Variants in SLX4IP observed in about 807,000 individuals in gnomAD.
The protein encoded by SLX4IP is protein SLX4IP.
Under a neutral mutation model 32.9 loss-of-function variants are expected in SLX4IP, and 34 were observed. That is an observed-to-expected ratio of 1.03 (90% CI 0.79 to 1.38). SLX4IP has a LOEUF of 1.38. Among genes scored for constraint, SLX4IP ranks in the 40% most tolerant of loss-of-function variants. SLX4IP has a pLI of 0.00. For synonymous variants in SLX4IP, 172 were observed against 171.7 expected (o/e 1.00, Z -0.01); for missense variants, 444 against 479.0 (o/e 0.93, Z 0.68).
intron 6 of SLX4IP, among the ~76,000 whole-genome samples, chr20:10,606,803 G>A (rs1485494814): frequency 6.6e-6 from 1 of 151,954 alleles, no homozygotes; most frequent in African/African-American, 2.4e-5. Context: ...ATTTTAACTA[G>A]GACCCTATTT....
chr20:10,452,092 G>C (rs756723038), intron 1 of SLX4IP, among the ~76,000 whole-genome samples: 1 of 152,142 alleles, frequency 6.6e-6, no homozygotes, highest in Non-Finnish European at 1.5e-5. Flanking sequence ...TATTTCTTTT[G>C]GAAGACCTGT....
At chr20:10,506,446 T>C (rs1260002204) in intron 2 of SLX4IP, among the ~76,000 whole-genome samples, 1 of 152,220 alleles carries the variant, frequency 6.6e-6, no homozygotes, top group Non-Finnish European at 1.5e-5. Context: ...CTCAAATGTG[T>C]CAAATCCTTT....
At chr20:10,590,192 A>T (rs556172234) in intron 4 of SLX4IP, among the ~76,000 whole-genome samples, 9 of 152,128 alleles carry the variant, frequency 5.9e-5, no homozygotes, top group Non-Finnish European at 8.8e-5. Context: ...TCTTTTTAAG[A>T]CCTTTTCCTA....
intron 6 of SLX4IP, among the ~76,000 whole-genome samples, chr20:10,612,008 C>T (rs544641720): frequency 6.6e-6 from 1 of 152,322 alleles, no homozygotes; most frequent in South Asian, 2.1e-4. Flanking sequence ...TGCACGGCCT[C>T]AGTCTTTGTG....
intron 4 of SLX4IP, among the ~76,000 whole-genome samples, chr20:10,562,512 C>A (rs1170528671): frequency 1.3e-5 from 2 of 152,172 alleles, no homozygotes; most frequent in East Asian, 3.9e-4. Flanking sequence ...TGTGTGCCCG[C>A]TAGGGTCTCG....
At chr20:10,549,426 T>C (rs540359732) in intron 2 of SLX4IP, among the ~76,000 whole-genome samples, 1 of 152,288 alleles carries the variant, frequency 6.6e-6, no homozygotes, top group Admixed American at 6.5e-5. Context: ...TGGGACCCTG[T>C]TGAGAATCCC....
chr20:10,614,657 G>A (rs182837511), intron 6 of SLX4IP, among the ~76,000 whole-genome samples: 2 of 152,306 alleles, frequency 1.3e-5, no homozygotes, highest in South Asian at 2.1e-4. Flanking sequence ...CAGATGGGTA[G>A]GGGTGTTACC....
At chr20:10,615,042 TG>T (rs1159588362) in intron 6 of SLX4IP, among the ~76,000 whole-genome samples, 2 of 152,072 alleles carry the variant, frequency 1.3e-5, no homozygotes, top group Non-Finnish European at 2.9e-5. Context: ...ATTATTGAAA[TG>T]TAATTTCACC....
intron 2 of SLX4IP, among the ~76,000 whole-genome samples, chr20:10,495,109 A>G (rs79660870): frequency 0.025 from 3,765 of 152,292 alleles, 95 homozygotes; most frequent in Admixed American, 0.093. Flanking sequence ...ATTTTTATTC[A>G]TCGATTAAAA....
rs373678313 is a variant in SLX4IP at position 10,601,931 on chromosome 20, C to T, written c.405+112C>T. On this transcript the variant is annotated intron_variant, in intron 6 of 7. Coordinates refer to ENST00000334534, the MANE Select transcript of SLX4IP (RefSeq NM_001009608.3). ...TGTCATTCAGCTGATGAGCACCCAA[C>T]GCATGTTTTAAGGGAACAAGAAGCC... The T allele has an allele frequency of 1.0e-4, 90 of 878,738 alleles. 1 individual carries two copies. Among genetic ancestry groups the T allele is most frequent in the East Asian group, 7.3e-4 (27 of 37,190 alleles). 54.4% of individuals were successfully genotyped at this position (878,738 alleles called of 1,614,324 possible).
At chr20:10,613,406 A>C (rs548574670) in intron 6 of SLX4IP, 1 of 1,547,496 alleles carries the variant, frequency 6.5e-7, no homozygotes, top group Admixed American at 1.7e-5. Flanking sequence ...ATCAATTTAC[A>C]CCTAAGGACC....
At position 10,601,829 on chromosome 20, in the gene SLX4IP, A is replaced by C; in HGVS notation, c.405+10A>C. On this transcript the variant is annotated intron_variant, in intron 6 of 7. Coordinates refer to ENST00000334534, the MANE Select transcript of SLX4IP (RefSeq NM_001009608.3). Reference sequence around the variant, plus strand: ...TCAGAATGAAGATTTGGTGAGTATGAAAAAATTCTATAAACAAATAAGTCT... The same window carrying C: ...TCAGAATGAAGATTTGGTGAGTATGCAAAAATTCTATAAACAAATAAGTCT... 1 of 1,608,602 alleles carries C rather than the reference A, an allele frequency of 6.2e-7. No individual in the cohort carries two copies. Among genetic ancestry groups the C allele is most frequent in the East Asian group, 2.2e-5 (1 of 44,816 alleles).
chr20:10,490,331 T>G (rs936873140), intron 2 of SLX4IP, among the ~76,000 whole-genome samples: 2 of 152,166 alleles, frequency 1.3e-5, no homozygotes, highest in African/African-American at 4.8e-5. Context: ...AGAATCCTCC[T>G]TCATGCTGGT....
At chr20:10,492,947 T>C (rs1294712481) in intron 2 of SLX4IP, among the ~76,000 whole-genome samples, 3 of 151,868 alleles carry the variant, frequency 2.0e-5, no homozygotes, top group Admixed American at 6.6e-5. Context: ...ATACCAACTG[T>C]TTTGATTACT....
chr20:10,622,589 T>G, intron 7 of SLX4IP, 70 bp from the exon 8 acceptor site: 3 of 1,521,212 alleles, frequency 2.0e-6, no homozygotes, highest in Non-Finnish European at 2.6e-6. Flanking sequence ...GGAAATGTGG[T>G]AGAGGGAATC....
At position 10,623,101 on chromosome 20, in the gene SLX4IP, C is replaced by T. The variant is rs1260710517; in HGVS notation, c.949C>T (p.Arg317Ter). The T allele has an allele frequency of 7.4e-6, 12 of 1,614,108 alleles. No individual in the cohort carries two copies. The highest frequency in any genetic ancestry group is 1.7e-5 in the Admixed American group (1 of 60,006). ...HHGRVSLGSD[R>*]LVPREIIVEK... The stretch of plus-strand genomic sequence containing the variant: ...CGGGAGAGTTTCTCTTGGAAGTGAT[C>T]GATTAGTCCCGAGAGAAATAATAGT... Residue 317 changes from arginine to a stop codon, truncating the protein, a stop_gained, in exon 8 of 8, where the codon CGA (arginine) becomes TGA (stop). Coordinates refer to ENST00000334534, the MANE Select transcript of SLX4IP (RefSeq NM_001009608.3). LOFTEE classifies it high-confidence loss of function.
intron 2 of SLX4IP, among the ~76,000 whole-genome samples, chr20:10,552,213 C>T (rs1347862025): frequency 1.3e-5 from 2 of 152,046 alleles, no homozygotes; most frequent in Non-Finnish European, 2.9e-5. Flanking sequence ...GATGGTTGCT[C>T]AAGAGGTGGC....
At chr20:10,538,163 T>C (rs908600377) in intron 2 of SLX4IP, among the ~76,000 whole-genome samples, 4 of 152,184 alleles carry the variant, frequency 2.6e-5, no homozygotes, top group African/African-American at 9.7e-5. Flanking sequence ...CCACACTCTT[T>C]GGCTGAGCAT....
intron 6 of SLX4IP, chr20:10,613,036 G>A (rs569873020): frequency 7.7e-4 from 178 of 230,842 alleles, no homozygotes; most frequent in African/African-American, 3.8e-3. Context: ...TAGCTGTCCA[G>A]CAAGTGTCTG....
Sources: gnomAD v4.1 joint callset for allele counts (sites outside exome capture counted in the v4.1 genomes callset) on GRCh38, gnomAD v4.1.1 for gene constraint, MANE v1.5 for transcripts, NCBI Gene and HGNC (gene_info 2026-07-23, HGNC 2026-07-21) for gene names.